Variants in TRIO observed in about 807,000 individuals in gnomAD.
TRIO encodes trio Rho guanine nucleotide exchange factor.
TRIO carries 58 observed loss-of-function variants against 351.9 expected under a neutral mutation model. The ratio of observed to expected loss-of-function variants is 0.16; its 90% CI spans 0.13 to 0.21. TRIO has a LOEUF of 0.21. TRIO is among the 10% of genes least tolerant of loss of function. TRIO has a pLI of 1.00. For synonymous variants in TRIO, 1,758 were observed against 1,595.7 expected, an observed-to-expected ratio of 1.10 and a Z score of -2.42; for missense variants, 3,201 against 4,027.8, an observed-to-expected ratio of 0.79 and a Z score of 5.56.
chr5:14,222,566 T>G (rs1325497799), intron 1 of TRIO, among the ~76,000 whole-genome samples: 2 of 152,232 alleles, frequency 1.3e-5, no homozygotes, highest in African/African-American at 4.8e-5. Flanking sequence ...GACCTAAGCA[T>G]TGTCTTGGAA....
chr5:14,366,340 C>G (rs1317456268), intron 15 of TRIO, among the ~76,000 whole-genome samples: 2 of 152,148 alleles, frequency 1.3e-5, no homozygotes, highest in African/African-American at 4.8e-5. Context: ...AGTTGAGAAG[C>G]TCATGGTTTG....
chr5:14,358,214 C>T lies in TRIO; in HGVS notation c.2083C>T (p.Leu695=), dbSNP rs1192892984. Residue 695 remains leucine, a synonymous_variant, in exon 12 of 57, where the codon CTG becomes TTG. Coordinates refer to ENST00000344204, the MANE Select transcript of TRIO (RefSeq NM_007118.4). ...GCTGGAGGAGCTGCAGAAGGAGCTG[C>T]TGGACGACGTGTATGCCGAGTCGGT... The part of the protein sequence containing the change: ...TWLEELQKEL[L]DDVYAESVEA... The T allele has an allele frequency of 3.1e-6, 5 of 1,613,904 alleles. No individual in the cohort carries two copies. The South Asian group carries it at 4.4e-5, about 14-fold the overall frequency.
At chr5:14,157,167 A>G (rs1308729692) in intron 1 of TRIO, among the ~76,000 whole-genome samples, 1 of 152,170 alleles carries the variant, frequency 6.6e-6, no homozygotes, top group Non-Finnish European at 1.5e-5. Flanking sequence ...GTAAGCTGTG[A>G]GTCATGACTT....
chr5:14,442,025 G>A (rs371517228), intron 34 of TRIO, among the ~76,000 whole-genome samples: 7 of 152,334 alleles, frequency 4.6e-5, no homozygotes, highest in Admixed American at 1.3e-4. Flanking sequence ...GACAAGGTGA[G>A]GGGAGTTGGG....
rs1230566129 is a variant in TRIO, at chr5:14,336,820, T to C, written c.2046+93T>C. On this transcript the variant is annotated intron_variant, in intron 11 of 56. Transcript: ENST00000344204. ...TAAATTTAGTCATAATGTGAGAAAG[T>C]GGACAAAGGTGGCAAGTTGTAAGAT... 2.2e-6 allele frequency: 3 copies of C among 1,359,126 alleles called. No individual in the cohort carries two copies. The East Asian group carries it at 7.1e-5, about 32-fold the overall frequency. 84.2% of individuals were successfully genotyped at this position (1,359,126 alleles called of 1,614,324 possible).
intron 1 of TRIO, among the ~76,000 whole-genome samples, chr5:14,243,574 T>A (rs1439315291): frequency 2.0e-5 from 3 of 152,080 alleles, no homozygotes; most frequent in African/African-American, 7.2e-5. Flanking sequence ...AAACATAATA[T>A]CTTATAATGA....
intron 1 of TRIO, among the ~76,000 whole-genome samples, chr5:14,262,249 A>G (rs1218518837): frequency 6.6e-6 from 1 of 151,550 alleles, no homozygotes; most frequent in Non-Finnish European, 1.5e-5. Flanking sequence ...GTGGGAGTGC[A>G]TCTTGGCGGT....
At chr5:14,144,901 AGGAGGCGGC>A (rs1205292238) in intron 1 of TRIO, among the ~76,000 whole-genome samples, 3 of 150,042 alleles carry the variant, frequency 2.0e-5, no homozygotes, top group African/African-American at 7.5e-5. Flanking sequence ...CAGGAGGAGG[AGGAGGCGGC>A]GGCGGCGGCG....
chr5:14,437,852 G>A (rs1751719333), intron 34 of TRIO, among the ~76,000 whole-genome samples: 1 of 152,146 alleles, frequency 6.6e-6, no homozygotes, highest in Non-Finnish European at 1.5e-5. Context: ...TAATGATTTG[G>A]TTTGGGGCGA....
chr5:14,217,318 T>C (rs747759092), intron 1 of TRIO, among the ~76,000 whole-genome samples: 1 of 151,824 alleles, frequency 6.6e-6, no homozygotes, highest in Non-Finnish European at 1.5e-5. Flanking sequence ...ACCAGGAGAG[T>C]TCACAGAAAG....
chr5:14,248,610 C>G (rs1794572370), intron 1 of TRIO, among the ~76,000 whole-genome samples: 1 of 152,190 alleles, frequency 6.6e-6, no homozygotes, highest in Admixed American at 6.5e-5. Context: ...GAGGGGAGCC[C>G]CTTGCAAGCG....
intron 1 of TRIO, among the ~76,000 whole-genome samples, chr5:14,259,567 C>G (rs1795224564): frequency 6.6e-6 from 1 of 152,146 alleles, no homozygotes; most frequent in Non-Finnish European, 1.5e-5. Context: ...GGGTGTAGGG[C>G]AGGACAGCAG....
intron 2 of TRIO, 140 bp from the exon 3 acceptor site, chr5:14,280,182 C>A: frequency 1.4e-6 from 1 of 712,346 alleles, no homozygotes; most frequent in South Asian, 1.8e-5. Context: ...CCTCACTGTG[C>A]CTCAGCTGAA....
intron 42 of TRIO, 24 bp from the exon 43 acceptor site, chr5:14,479,895 C>G (rs775105069): frequency 9.3e-6 from 15 of 1,611,630 alleles, no homozygotes; most frequent in Non-Finnish European, 1.2e-5. Flanking sequence ...CCCATACGAT[C>G]TTTTCTCTCT....
At chr5:14,491,124 C>T (rs1188590847) in intron 48 of TRIO, among the ~76,000 whole-genome samples, 2 of 152,172 alleles carry the variant, frequency 1.3e-5, no homozygotes, top group African/African-American at 4.8e-5. Flanking sequence ...AGCCCTGGCA[C>T]CTGGAATTCC....
chr5:14,366,178 T>TA (rs1179714164), intron 15 of TRIO, among the ~76,000 whole-genome samples: 1 of 152,016 alleles, frequency 6.6e-6, no homozygotes, highest in Non-Finnish European at 1.5e-5. Context: ...GGAGAGGGCT[T>TA]AGACAATAAA....
intron 11 of TRIO, among the ~76,000 whole-genome samples, chr5:14,348,925 ATG>A (rs1374116100): frequency 1.7e-4 from 24 of 141,666 alleles, no homozygotes; most frequent in South Asian, 2.3e-4. Flanking sequence ...GCACGTGAGC[ATG>A]TGTTTTTCCT....
chr5:14,177,315 C>T (rs1016431914), intron 1 of TRIO, among the ~76,000 whole-genome samples: 15 of 152,014 alleles, frequency 9.9e-5, no homozygotes, highest in South Asian at 4.2e-4. Context: ...TGGTAATCAC[C>T]GGGATATGAG....
intron 31 of TRIO, 67 bp downstream of exon 31, chr5:14,401,131 T>C: frequency 7.6e-7 from 1 of 1,315,456 alleles, no homozygotes; most frequent in Non-Finnish European, 1.1e-6. Context: ...TGCTTGCTTT[T>C]CCGTTGTTTT....
Sources: allele counts gnomAD v4.1 joint callset (sites outside exome capture counted in the v4.1 genomes callset), GRCh38; gene constraint gnomAD v4.1.1; transcripts MANE v1.5; gene names NCBI Gene and HGNC (gene_info 2026-07-23, HGNC 2026-07-21).